Variants in ST8SIA4 observed in about 807,000 individuals in gnomAD.
ST8SIA4 encodes the protein ST8 alpha-N-acetyl-neuraminide alpha-2,8-sialyltransferase 4.
A neutral mutation model predicts 33.9 loss-of-function variants in ST8SIA4; 15 were observed. That is an observed-to-expected ratio of 0.44 (90% CI 0.30 to 0.68). The LOEUF is 0.68. Among genes scored for constraint, ST8SIA4 ranks in the 30% least tolerant of loss-of-function variants. ST8SIA4 has a pLI of 0.10. For missense variants in ST8SIA4, 321 were observed against 428.0 expected (o/e 0.75, Z 2.21); for synonymous variants, 171 against 151.2 (o/e 1.13, Z -0.96).
intron 3 of ST8SIA4, among the ~76,000 whole-genome samples, chr5:100,862,585 A>G (rs912490370): frequency 3.3e-5 from 5 of 151,296 alleles, no homozygotes; most frequent in Admixed American, 1.3e-4. Flanking sequence ...TATTTTTAGT[A>G]GAGACGGGGT....
intron 4 of ST8SIA4, 52 bp from the exon 5 acceptor site, chr5:100,812,181 A>G (rs369990095): frequency 1.3e-4 from 198 of 1,505,090 alleles, no homozygotes; most frequent in Non-Finnish European, 1.7e-4. Flanking sequence ...ACACACATAG[A>G]GCATATCCTA....
At chr5:100,821,097 G>T (rs1751023105) in intron 4 of ST8SIA4, among the ~76,000 whole-genome samples, 1 of 152,040 alleles carries the variant, frequency 6.6e-6, no homozygotes, top group East Asian at 1.9e-4. Context: ...CATGATGAAG[G>T]AGTTAAATTA....
At chr5:100,892,404 A>G (rs1752691010) in intron 2 of ST8SIA4, among the ~76,000 whole-genome samples, 2 of 152,156 alleles carry the variant, frequency 1.3e-5, no homozygotes, top group South Asian at 2.1e-4. Flanking sequence ...TGTAGAATGC[A>G]TAAACTCCAT....
intron 4 of ST8SIA4, among the ~76,000 whole-genome samples, chr5:100,834,834 C>T (rs1751336431): frequency 6.6e-6 from 1 of 152,076 alleles, no homozygotes; most frequent in Non-Finnish European, 1.5e-5. Flanking sequence ...TGACGCCTCC[C>T]CAGAAGCCAA....
At chr5:100,902,356 C>G (rs1225106363) in intron 1 of ST8SIA4, among the ~76,000 whole-genome samples, 2 of 147,860 alleles carry the variant, frequency 1.4e-5, no homozygotes, top group Admixed American at 6.9e-5. Context: ...ATTAATCTAT[C>G]CAACGTCAAA....
At chr5:100,882,420 C>T (rs1033476758) in intron 3 of ST8SIA4, among the ~76,000 whole-genome samples, 2 of 152,156 alleles carry the variant, frequency 1.3e-5, no homozygotes, top group African/African-American at 2.4e-5. Flanking sequence ...TAAAGGCACT[C>T]AGTTTTAGAA....
At chr5:100,852,114 CTTTTT>C (rs773074391) in intron 4 of ST8SIA4, among the ~76,000 whole-genome samples, 1 of 83,446 alleles carries the variant, frequency 1.2e-5, no homozygotes, top group Non-Finnish European at 2.1e-5. Context: ...CTCCACTCTT[CTTTTT>C]TTTTTTTTTT....
chr5:100,895,827 C>T, intron 1 of ST8SIA4, 42 bp from the exon 2 acceptor site: 4 of 1,607,400 alleles, frequency 2.5e-6, no homozygotes, highest in Non-Finnish European at 2.6e-6. Context: ...AAGTAAGAAA[C>T]ATTTTGTGTA....
chr5:100,823,379 G>A (rs1211092227), intron 4 of ST8SIA4, among the ~76,000 whole-genome samples: 2 of 152,162 alleles, frequency 1.3e-5, no homozygotes, highest in African/African-American at 2.4e-5. Flanking sequence ...CCTTGGGGCT[G>A]CTCTGTCTAT....
intron 4 of ST8SIA4, 77 bp from the exon 5 acceptor site, chr5:100,812,206 T>G: frequency 8.2e-7 from 1 of 1,224,618 alleles, no homozygotes; most frequent in Non-Finnish European, 1.1e-6. Context: ...AAGTATATAA[T>G]GCAGAAAACT....
intron 4 of ST8SIA4, among the ~76,000 whole-genome samples, chr5:100,852,336 C>A (rs543298209): frequency 6.6e-6 from 1 of 151,166 alleles, no homozygotes; most frequent in East Asian, 1.9e-4. Flanking sequence ...TGGCCAGGCT[C>A]GTCTCAAACT....
intron 4 of ST8SIA4, among the ~76,000 whole-genome samples, chr5:100,838,354 A>T (rs886665447): frequency 6.6e-6 from 1 of 151,998 alleles, no homozygotes; most frequent in African/African-American, 2.4e-5. Flanking sequence ...GGCCAAGTCA[A>T]ACTGTGAGTC....
chr5:100,859,266 C>T (rs1751881483), intron 3 of ST8SIA4, among the ~76,000 whole-genome samples: 1 of 151,924 alleles, frequency 6.6e-6, no homozygotes, highest in Non-Finnish European at 1.5e-5. Flanking sequence ...TTATAATATT[C>T]AAAATTAGCC....
At chr5:100,833,885 A>G (rs2112417071) in intron 4 of ST8SIA4, among the ~76,000 whole-genome samples, 1 of 152,282 alleles carries the variant, frequency 6.6e-6, no homozygotes, top group South Asian at 2.1e-4. Context: ...GTACGGTACT[A>G]TAATTTCCTA....
chr5:100,900,779 G>A (rs1482410888), intron 1 of ST8SIA4, among the ~76,000 whole-genome samples: 1 of 140,118 alleles, frequency 7.1e-6, no homozygotes, highest in Non-Finnish European at 1.6e-5. Flanking sequence ...GGGGTGGGGT[G>A]GGGGTGGAAG....
At chr5:100,892,674 T>C (rs1319720459) in intron 2 of ST8SIA4, among the ~76,000 whole-genome samples, 1 of 152,126 alleles carries the variant, frequency 6.6e-6, no homozygotes, top group Non-Finnish European at 1.5e-5. Context: ...ACATTATAAG[T>C]TTAATAAGAT....
At chr5:100,871,050 A>G (rs1463244001) in intron 3 of ST8SIA4, among the ~76,000 whole-genome samples, 1 of 152,128 alleles carries the variant, frequency 6.6e-6, no homozygotes, top group Non-Finnish European at 1.5e-5. Context: ...GCTGTCTATC[A>G]TGAACTTAGC....
At chr5:100,870,774 T>A (rs1044746502) in intron 3 of ST8SIA4, among the ~76,000 whole-genome samples, 3 of 152,068 alleles carry the variant, frequency 2.0e-5, no homozygotes, top group Non-Finnish European at 1.5e-5. Flanking sequence ...ATTTTAAACA[T>A]CATAATTAGA....
At chr5:100,835,680 G>A (rs1751350703) in intron 4 of ST8SIA4, among the ~76,000 whole-genome samples, 1 of 152,120 alleles carries the variant, frequency 6.6e-6, no homozygotes, top group African/African-American at 2.4e-5. Flanking sequence ...TGTTTCGGAA[G>A]TAACATAGTG....
Sources: allele counts gnomAD v4.1 joint callset (sites outside exome capture counted in the v4.1 genomes callset), GRCh38; gene constraint gnomAD v4.1.1; transcripts MANE v1.5; gene names NCBI Gene and HGNC (gene_info 2026-07-23, HGNC 2026-07-21).